Variants in BLTP1 observed in about 807,000 individuals in gnomAD.
BLTP1 encodes the protein bridge-like lipid transfer protein family member 1, also known as fragile site-associated protein.
chr4:122,318,747 G>C, the BLTP1 span, among the ~76,000 whole-genome samples: 2 of 152,166 alleles, frequency 1.3e-5, no homozygotes, highest in African/African-American at 4.8e-5. Context: ...GGTCCCATTA[G>C]AGTTTGAGTC....
At chr4:122,196,546 TAAA>T in the BLTP1 span, 9 of 1,061,316 alleles carry the variant, frequency 8.5e-6, no homozygotes, top group South Asian at 7.9e-5. Context: ...GCAATGATAA[TAAA>T]AAATTAGAAT....
chr4:122,344,834 A>G, the BLTP1 span: 3 of 985,160 alleles, frequency 3.0e-6, no homozygotes, highest in Non-Finnish European at 3.6e-6. Context: ...CTTTTTCTCC[A>G]CCATGAATTG....
chr4:122,171,983 T>C, the BLTP1 span: 1 of 927,320 alleles, frequency 1.1e-6, no homozygotes, highest in Non-Finnish European at 1.3e-6. Flanking sequence ...CAACCTACTG[T>C]TGACACAGTG....
chr4:122,170,598 C>G, the BLTP1 span: 1 of 1,490,526 alleles, frequency 6.7e-7, no homozygotes, highest in East Asian at 2.7e-5. Context: ...CTAAATTTAA[C>G]CTTTGAAATC....
the BLTP1 span, among the ~76,000 whole-genome samples, chr4:122,357,594 G>A: frequency 3.3e-5 from 5 of 151,106 alleles, 1 homozygote; most frequent in Admixed American, 2.0e-4. Flanking sequence ...AAGTATGGCA[G>A]CCCTAATATC....
At chr4:122,289,297 A>G in the BLTP1 span, 1 of 857,700 alleles carries the variant, frequency 1.2e-6, no homozygotes, top group East Asian at 3.0e-5. Flanking sequence ...GCATTTGGAT[A>G]TAGTTGTCAA....
chr4:122,263,385 A>AT, the BLTP1 span: 23 of 1,463,736 alleles, frequency 1.6e-5, no homozygotes, highest in African/African-American at 3.0e-4. Context: ...TATAAATTAC[A>AT]TTTTTTTGCT....
At chr4:122,268,285 G>C in the BLTP1 span, among the ~76,000 whole-genome samples, 1 of 151,546 alleles carries the variant, frequency 6.6e-6, no homozygotes, top group African/African-American at 2.4e-5. Flanking sequence ...ACTTATCAAA[G>C]AGTAGTTTGA....
chr4:122,161,048 T>C, the BLTP1 span: 4 of 473,484 alleles, frequency 8.4e-6, no homozygotes, highest in Non-Finnish European at 1.1e-5. Context: ...GTAATGGTGC[T>C]ATGTGCTAAC....
At chr4:122,176,708 T>TA in the BLTP1 span, among the ~76,000 whole-genome samples, 14 of 151,396 alleles carry the variant, frequency 9.2e-5, no homozygotes, top group African/African-American at 1.5e-4. Context: ...GGATAATTGA[T>TA]AAAAAAAAAT....
the BLTP1 span, chr4:122,258,809 C>CTCA: frequency 6.2e-7 from 1 of 1,613,606 alleles, no homozygotes; most frequent in South Asian, 1.1e-5. Context: ...CTTTCTAAAA[C>CTCA]TCATACCCAT....
the BLTP1 span, chr4:122,175,832 G>A: frequency 6.5e-7 from 1 of 1,535,762 alleles, no homozygotes; most frequent in Non-Finnish European, 9.0e-7. Context: ...TTCTAATTTT[G>A]TAATTTCCCT....
At chr4:122,224,817 T>C in the BLTP1 span, 1 of 1,551,896 alleles carries the variant, frequency 6.4e-7, no homozygotes. Context: ...ATTCTTGCCA[T>C]TCAGAATTTT....
chr4:122,301,251 T>G, the BLTP1 span: 91 of 1,469,566 alleles, frequency 6.2e-5, 2 homozygotes, highest in South Asian at 1.2e-3. Flanking sequence ...AAAATAGTTA[T>G]TTTTTTTCTT....
the BLTP1 span, among the ~76,000 whole-genome samples, chr4:122,330,519 C>A: frequency 1.3e-5 from 2 of 151,890 alleles, no homozygotes; most frequent in Non-Finnish European, 1.5e-5. Context: ...TTGGCTGATT[C>A]TTTGGAGAAA....
the BLTP1 span, chr4:122,207,293 A>G: frequency 1.1e-5 from 18 of 1,569,532 alleles, no homozygotes; most frequent in African/African-American, 2.2e-4. Context: ...ATTAGGTTAA[A>G]TATTTCTCTC....
the BLTP1 span, chr4:122,249,800 G>A: frequency 2.1e-6 from 3 of 1,446,056 alleles, no homozygotes; most frequent in African/African-American, 4.3e-5. Flanking sequence ...AGCAGAAAGT[G>A]TGGTATCTGG....
At chr4:122,271,120 T>C in the BLTP1 span, 6 of 1,613,948 alleles carry the variant, frequency 3.7e-6, no homozygotes, top group Non-Finnish European at 5.1e-6. Flanking sequence ...TGTGCACCCC[T>C]CAGAACTCTA....
chr4:122,224,135 A>G, the BLTP1 span: 1 of 952,798 alleles, frequency 1.0e-6, no homozygotes, highest in South Asian at 4.8e-5. Context: ...TTTTAAAAAT[A>G]TTTTAATCTC....
Sources: allele counts gnomAD v4.1 joint callset (sites outside exome capture counted in the v4.1 genomes callset), GRCh38; gene constraint gnomAD v4.1.1; transcripts MANE v1.5; gene names NCBI Gene and HGNC (gene_info 2026-07-23, HGNC 2026-07-21).